The following PELI2 variants were observed in gnomAD, a reference collection of about 807,000 sequenced individuals.
The protein encoded by PELI2 is pellino E3 ubiquitin protein ligase family member 2.
A neutral mutation model predicts 42.3 loss-of-function variants in PELI2; 23 were observed. That is an observed-to-expected ratio of 0.54 (90% confidence interval 0.39 to 0.77). The LOEUF (loss-of-function observed/expected upper bound fraction) is 0.77. Ranked by LOEUF, PELI2 falls within the 30% of genes least tolerant of loss-of-function variation. The pLI is 0.00. For missense variants in PELI2, 463 were observed against 553.2 expected (o/e 0.84, Z 1.64); for synonymous variants, 245 against 212.2 (o/e 1.15, Z -1.34).
chr14:56,278,828 T>G (rs551280120), intron 2 of PELI2, among the ~76,000 whole-genome samples: 2 of 152,308 alleles, frequency 1.3e-5, no homozygotes, highest in Admixed American at 1.3e-4. Flanking sequence ...TTGTTATACT[T>G]AATGTAAAAG....
At chr14:56,179,719 T>C (rs1315849230) in intron 2 of PELI2, among the ~76,000 whole-genome samples, 1 of 152,192 alleles carries the variant, frequency 6.6e-6, no homozygotes, top group Non-Finnish European at 1.5e-5. Context: ...GTCAAGGAAG[T>C]AGGAGAAACA....
intron 1 of PELI2, among the ~76,000 whole-genome samples, chr14:56,156,197 G>A (rs887411376): frequency 6.6e-6 from 1 of 152,164 alleles, no homozygotes; most frequent in African/African-American, 2.4e-5. Context: ...GAATTTGGAA[G>A]TTGTTTATAG....
Position 56,180,109 on chromosome 14 carries a change from T to G in PELI2, c.207+1645T>G, listed in dbSNP as rs1487239552. ...CAAGTTATTTAGATTATTAATCTTT[T>G]GATAATTGTCATCTAAGTCTGTGTT... On this transcript the variant is annotated intron_variant, in intron 2 of 5. Coordinates refer to ENST00000267460, the MANE Select transcript of PELI2 (RefSeq NM_021255.3). The surrounding 1 kb of genome is among the most constrained non-coding windows in gnomAD (Gnocchi z 4.4). 6.6e-6 allele frequency among the ~76,000 whole-genome samples: 1 copy of G among 152,190 alleles called. No homozygotes were observed. Among genetic ancestry groups the G allele is most frequent in the African/African-American group, 2.4e-5 (1 of 41,436 alleles).
intron 2 of PELI2, among the ~76,000 whole-genome samples, chr14:56,240,981 AC>A (rs771694369): frequency 7.2e-5 from 11 of 152,148 alleles, no homozygotes; most frequent in Non-Finnish European, 1.6e-4. Context: ...GAAAGCAAGA[AC>A]CCATGGGGAT....
At chr14:56,253,265 G>C (rs1290763063) in intron 2 of PELI2, among the ~76,000 whole-genome samples, 4 of 152,178 alleles carry the variant, frequency 2.6e-5, no homozygotes, top group Admixed American at 2.0e-4. Context: ...GCCAAAGCTG[G>C]AAGCATTCCC....
chr14:56,181,872 G>GTT (rs1426645686), intron 2 of PELI2, among the ~76,000 whole-genome samples: 44 of 145,758 alleles, frequency 3.0e-4, no homozygotes, highest in Admixed American at 6.1e-4. Flanking sequence ...GTGTGTGTGT[G>GTT]TTTTTAAATT....
At chr14:56,119,395 G>C (rs1012686813) in intron 1 of PELI2, among the ~76,000 whole-genome samples, 1 of 150,256 alleles carries the variant, frequency 6.7e-6, no homozygotes, top group African/African-American at 2.5e-5. Flanking sequence ...GAGTGCTCTG[G>C]AGGGGAGGGA....
intron 2 of PELI2, among the ~76,000 whole-genome samples, chr14:56,194,044 T>G (rs1027345432): frequency 6.6e-5 from 10 of 152,328 alleles, no homozygotes; most frequent in Admixed American, 6.5e-4. Context: ...GATACAAGTC[T>G]TTTACAACGT....
chr14:56,137,200 CT>C (rs33928658), intron 1 of PELI2, among the ~76,000 whole-genome samples: 28 of 149,650 alleles, frequency 1.9e-4, no homozygotes, highest in Middle Eastern at 3.4e-3. Flanking sequence ...CCATAGTAAC[CT>C]TTTTTTTTTG....
intron 2 of PELI2, among the ~76,000 whole-genome samples, chr14:56,204,880 A>T (rs1433145515): frequency 6.6e-6 from 1 of 151,892 alleles, no homozygotes; most frequent in Non-Finnish European, 1.5e-5. Context: ...AAATACAAAA[A>T]AGTAGCCAGG....
At chr14:56,207,927 C>T (rs983910726) in intron 2 of PELI2, among the ~76,000 whole-genome samples, 14 of 152,190 alleles carry the variant, frequency 9.2e-5, no homozygotes, top group African/African-American at 2.9e-4. Flanking sequence ...ATGACAGGCA[C>T]GTTGGAGGTT....
At chr14:56,127,485 G>A (rs1883317429) in intron 1 of PELI2, among the ~76,000 whole-genome samples, 1 of 152,212 alleles carries the variant, frequency 6.6e-6, no homozygotes. Context: ...AGGTAGTACA[G>A]TTCCTGAAAT....
intron 1 of PELI2, among the ~76,000 whole-genome samples, chr14:56,141,552 A>G (rs549176706): frequency 1.3e-5 from 2 of 152,364 alleles, no homozygotes; most frequent in South Asian, 4.1e-4. Context: ...TGTAATTTAT[A>G]AAGAAAAGAG....
intron 1 of PELI2, among the ~76,000 whole-genome samples, chr14:56,126,537 C>T (rs1883271482): frequency 6.6e-6 from 1 of 152,122 alleles, no homozygotes. Context: ...AGAATTTAAC[C>T]AGAGCGAGCA....
At chr14:56,188,947 G>A (rs1885864924) in intron 2 of PELI2, among the ~76,000 whole-genome samples, 2 of 152,078 alleles carry the variant, frequency 1.3e-5, no homozygotes, top group African/African-American at 4.8e-5. Context: ...ATCACCTGAG[G>A]TCAGGAGTTC....
chr14:56,121,816 AAT>A (rs1416699039), intron 1 of PELI2, among the ~76,000 whole-genome samples: 1 of 152,230 alleles, frequency 6.6e-6, no homozygotes, highest in Non-Finnish European at 1.5e-5. Context: ...TGTGCTCAGT[AAT>A]TCTGTTCATT....
chr14:56,189,580 A>G (rs889055341), intron 2 of PELI2, among the ~76,000 whole-genome samples: 4 of 152,228 alleles, frequency 2.6e-5, no homozygotes, highest in Non-Finnish European at 5.9e-5. Context: ...TATGCCTACT[A>G]CGTGGTAGCA....
chr14:56,208,653 T>A (rs1002992990), intron 2 of PELI2, among the ~76,000 whole-genome samples: 4 of 152,210 alleles, frequency 2.6e-5, no homozygotes, highest in Non-Finnish European at 5.9e-5. Context: ...ACATTATTTT[T>A]ATTAAATCTC....
At chr14:56,132,541 G>A (rs1302896023) in intron 1 of PELI2, among the ~76,000 whole-genome samples, 1 of 152,154 alleles carries the variant, frequency 6.6e-6, no homozygotes, top group Non-Finnish European at 1.5e-5. Flanking sequence ...GCTGCTTGAT[G>A]GCTTGGCCTG....
Sources: gnomAD v4.1 joint callset for allele counts (sites outside exome capture counted in the v4.1 genomes callset) on GRCh38, gnomAD v4.1.1 for gene constraint, Gnocchi (gnomAD v3.1) non-coding constraint, MANE v1.5 for transcripts, NCBI Gene and HGNC (gene_info 2026-07-23, HGNC 2026-07-21) for gene names.